Variants in CAPS2 observed in about 807,000 individuals in gnomAD.
CAPS2 encodes the protein calcyphosin-2.
Under a neutral mutation model 86.5 loss-of-function variants are expected in CAPS2, and 98 were observed. That is an observed-to-expected ratio of 1.13 (90% CI 0.96 to 1.34). The LOEUF (loss-of-function observed/expected upper bound fraction) is 1.34. CAPS2 is among the 40% of genes most tolerant of loss of function. The pLI is 0.00. For synonymous variants in CAPS2, 210 were observed against 225.1 expected (o/e 0.93, Z 0.60); for missense variants, 729 against 686.8 (o/e 1.06, Z -0.69).
chr12:75,383,432 G>C (rs1033330349), intron 1 of CAPS2, among the ~76,000 whole-genome samples: 1 of 152,014 alleles, frequency 6.6e-6, no homozygotes, highest in Non-Finnish European at 1.5e-5. Context: ...AAGTTATCAG[G>C]ATTAAACAGA....
At chr12:75,334,629 C>T, upstream of CAPS2, 1 of 1,531,584 alleles carries the variant, frequency 6.5e-7, no homozygotes. Flanking sequence ...CAGGATGGAG[C>T]CAAGGGAGAG....
chr12:75,321,435 G>A (rs769637755), exon 5 of CAPS2: 6 of 1,547,484 alleles, frequency 3.9e-6, no homozygotes, highest in Non-Finnish European at 4.4e-6. Context: ...GACTGTTTAT[G>A]TGTAACATTT....
chr12:75,323,756 T>C (rs920266786), intron 2 of CAPS2, among the ~76,000 whole-genome samples: 2 of 152,078 alleles, frequency 1.3e-5, no homozygotes, highest in Admixed American at 6.6e-5. Context: ...AATAAACAAA[T>C]AAATAAATAA....
At chr12:75,301,133 T>C (rs902613984) in intron 8 of CAPS2, among the ~76,000 whole-genome samples, 7 of 152,216 alleles carry the variant, frequency 4.6e-5, no homozygotes, top group Admixed American at 6.5e-5. Context: ...ATCTCCTTTA[T>C]ATTAAGAGAT....
At chr12:75,366,048 T>C (rs1007420452) in intron 1 of CAPS2, among the ~76,000 whole-genome samples, 9 of 152,294 alleles carry the variant, frequency 5.9e-5, no homozygotes, top group East Asian at 5.8e-4. Context: ...CTAATTCTAA[T>C]GTTACTTTAC....
At chr12:75,334,592 A>C (rs1016204083), upstream of CAPS2, 3 of 1,454,876 alleles carry the variant, frequency 2.1e-6, no homozygotes, top group African/African-American at 2.8e-5. Flanking sequence ...AAGTTGATCC[A>C]GCCGCGCTGG....
exon 8 of CAPS2, chr12:75,304,863 C>G (rs1382804441): frequency 6.2e-7 from 1 of 1,611,588 alleles, no homozygotes; most frequent in Admixed American, 1.7e-5. Flanking sequence ...TGCTCTGGAT[C>G]ACTGATGACA....
At chr12:75,335,338 C>T (rs974517921) in intron 1 of CAPS2, among the ~76,000 whole-genome samples, 2 of 148,618 alleles carry the variant, frequency 1.3e-5, no homozygotes, top group African/African-American at 4.9e-5. Context: ...AAGATCAAAA[C>T]AACACTTCAT....
chr12:75,316,122 T>A (rs2039729026), intron 6 of CAPS2, among the ~76,000 whole-genome samples, 190 bp downstream of exon 6: 1 of 151,976 alleles, frequency 6.6e-6, no homozygotes, highest in South Asian at 2.1e-4. Flanking sequence ...TTCCAGACAA[T>A]TTTTTTACAG....
At chr12:75,356,736 C>T (rs1319937538) in intron 1 of CAPS2, among the ~76,000 whole-genome samples, 2 of 152,128 alleles carry the variant, frequency 1.3e-5, no homozygotes, top group African/African-American at 2.4e-5. Context: ...ATGCCCCAAA[C>T]TAAAAAACAG....
At chr12:75,372,464 G>C (rs1047973974) in intron 1 of CAPS2, among the ~76,000 whole-genome samples, 4 of 152,166 alleles carry the variant, frequency 2.6e-5, no homozygotes, top group African/African-American at 9.7e-5. Context: ...CCTGGTGGCA[G>C]CATTTCTCCC....
chr12:75,370,153 TTTC>T, intron 1 of CAPS2: 3 of 1,582,652 alleles, frequency 1.9e-6, no homozygotes, highest in Non-Finnish European at 8.7e-7. Flanking sequence ...CAGCTTAGGT[TTTC>T]TTCTTCTGAG....
chr12:75,283,893 C>A (rs566845898), intron 15 of CAPS2, among the ~76,000 whole-genome samples: 51 of 152,222 alleles, frequency 3.4e-4, no homozygotes, highest in Admixed American at 6.5e-4. Flanking sequence ...GAACAGGCAG[C>A]CATCTGCAAG....
rs11180477 is a variant in CAPS2, at chr12:75,365,588, T to G, written c.-395+25250A>C. ...TCCTATCATTTTTTAAGTTGGATGT[T>G]GCCCAGAGAGTTAATGAATATACAT... is the stretch of plus-strand genomic sequence containing the variant. On this transcript the variant is annotated intron_variant, in intron 1 of 5. Coordinates refer to the CAPS2 transcript ENST00000551829. Among the ~76,000 whole-genome samples, 209 of 152,260 alleles carry G rather than the reference T, an allele frequency of 1.4e-3. 4 individuals are homozygous for G. The East Asian group carries it at 0.038, about 28-fold the overall frequency.
intron 1 of CAPS2, among the ~76,000 whole-genome samples, chr12:75,336,858 A>T (rs2041770711): frequency 6.6e-6 from 1 of 151,820 alleles, no homozygotes; most frequent in Non-Finnish European, 1.5e-5. Context: ...ATCAATATAA[A>T]CAATATGCTG....
chr12:75,293,223 A>G (rs1199540124), intron 12 of CAPS2, 26 bp downstream of exon 12: 1 of 1,342,612 alleles, frequency 7.4e-7, no homozygotes, highest in Non-Finnish European at 1.1e-6. Flanking sequence ...CCTACTTTCA[A>G]ATTGCCAAAT....
chr12:75,360,873 T>G (rs1012143403), intron 1 of CAPS2: 9 of 152,196 alleles, frequency 5.9e-5, no homozygotes, highest in Non-Finnish European at 1.3e-4. Context: ...CCATATGTCC[T>G]CTGAAATCTA....
chr12:75,281,149 A>T (rs2033871862), intron 16 of CAPS2, among the ~76,000 whole-genome samples: 2 of 151,902 alleles, frequency 1.3e-5, no homozygotes, highest in African/African-American at 4.8e-5. Context: ...AAAGTTGTGG[A>T]GGAAAAGAAC....
In CAPS2 at chr12:75,298,627, T is replaced by C. The variant is rs902416352; in HGVS notation, c.1044+60A>G. Reference sequence around the variant, plus strand: ...TAGAAGCCCTACTCCTCCACCTCCATGGGACTCCACAAAATCCACCATCTG... The same window carrying C: ...TAGAAGCCCTACTCCTCCACCTCCACGGGACTCCACAAAATCCACCATCTG... On this transcript the variant is annotated intron_variant, in intron 11 of 16. Transcript: ENST00000393284. 10 of 1,316,218 alleles carry C rather than the reference T, an allele frequency of 7.6e-6. No homozygotes were observed. In the South Asian group the frequency reaches 1.2e-4, roughly 16 times the overall value. The allele number at this position is 1,316,218 out of a possible 1,614,324, so 81.5% of individuals were successfully genotyped here. A position where few individuals can be genotyped will look rare whatever the true frequency, so the allele number is the denominator to read the frequency against.
Sources: allele counts gnomAD v4.1 joint callset (sites outside exome capture counted in the v4.1 genomes callset), GRCh38; gene constraint gnomAD v4.1.1; transcripts MANE v1.5; gene names NCBI Gene and HGNC (gene_info 2026-07-23, HGNC 2026-07-21).